Variants in CFAP251 observed in about 807,000 individuals in gnomAD.
CFAP251 encodes cilia- and flagella-associated protein 251.
In CFAP251, 93 loss-of-function variants were observed where a neutral mutation model predicts 126.7. The observed-to-expected ratio is 0.73, with a 90% confidence interval of 0.62 to 0.87. The LOEUF (loss-of-function observed/expected upper bound fraction) is 0.87. Ranked by LOEUF, CFAP251 falls within the 40% of genes least tolerant of loss-of-function variation. CFAP251 has a pLI of 0.00. For missense variants in CFAP251, 1,287 were observed against 1,389.2 expected, an observed-to-expected ratio of 0.93 and a Z score of 1.17; for synonymous variants, 503 against 506.9, an observed-to-expected ratio of 0.99 and a Z score of 0.10.
chr12:121,943,883 A>G (rs1292832854), intron 7 of CFAP251, among the ~76,000 whole-genome samples: 3 of 152,230 alleles, frequency 2.0e-5, no homozygotes, highest in African/African-American at 7.2e-5. Flanking sequence ...AGATATTAAT[A>G]TCTGTGGAAT....
intron 19 of CFAP251, among the ~76,000 whole-genome samples, chr12:121,990,023 A>G (rs1321931477): frequency 6.6e-6 from 1 of 152,136 alleles, no homozygotes; most frequent in Non-Finnish European, 1.5e-5. Flanking sequence ...GGCCACCCTC[A>G]TGTCTTGGGG....
At chr12:122,002,528 AGAGCCT>A (rs1883172293) in intron 21 of CFAP251, among the ~76,000 whole-genome samples, 1 of 152,058 alleles carries the variant, frequency 6.6e-6, no homozygotes, top group South Asian at 2.1e-4. Context: ...CAACAGAGTG[AGAGCCT>A]GTCTCAATTA....
At chr12:121,957,320 C>T in intron 11 of CFAP251, 52 bp downstream of exon 11, 1 of 1,533,140 alleles carries the variant, frequency 6.5e-7, no homozygotes, top group Non-Finnish European at 8.8e-7. Flanking sequence ...TGATCACTGT[C>T]TTCTTTAGTT....
At chr12:121,926,023 T>C (rs1880397515) in intron 3 of CFAP251, among the ~76,000 whole-genome samples, 1 of 3,088 alleles carries the variant, frequency 3.2e-4, no homozygotes, top group Non-Finnish European at 7.1e-4. Context: ...TTTTTGTAAT[T>C]TTTTTTTTTT....
rs1241407816 is a variant in CFAP251, at chr12:121,931,970, T to C, written c.888+84T>C. On this transcript the variant is annotated intron_variant, in intron 4 of 21. Transcript: ENST00000288912. ...TTTGTTTTGTATCTCAAGGGCTGAC[T>C]TCATTCTATCACTGTCGTATTTTCC... is the stretch of plus-strand genomic sequence containing the variant. 22 of 1,296,858 alleles carry C rather than the reference T, an allele frequency of 1.7e-5. No individual in the cohort carries two copies. In the East Asian group the frequency reaches 5.9e-4, roughly 35 times the overall value. 80.3% of individuals were successfully genotyped at this position (1,296,858 alleles called of 1,614,324 possible).
intron 5 of CFAP251, among the ~76,000 whole-genome samples, chr12:121,935,480 C>T (rs913908734): frequency 5.3e-5 from 8 of 152,212 alleles, no homozygotes; most frequent in African/African-American, 1.9e-4. Context: ...AGACCACATT[C>T]GATTTAGCTG....
chr12:121,992,127 C>G (rs1030082655), intron 19 of CFAP251: 36 of 822,862 alleles, frequency 4.4e-5, no homozygotes, highest in Non-Finnish European at 2.8e-5. Context: ...TGACAACCAC[C>G]AGTGCGTCTG....
intron 7 of CFAP251, among the ~76,000 whole-genome samples, chr12:121,947,268 T>G (rs894446348): frequency 6.6e-6 from 1 of 152,210 alleles, no homozygotes; most frequent in African/African-American, 2.4e-5. Context: ...TAAATCATTT[T>G]TTCAGGTCTA....
rs1565912476 is a variant in CFAP251, at chr12:121,957,208, C to T, written c.1670C>T (p.Pro557Leu). Residue 557 changes from proline (P) to leucine (L), a missense_variant, in exon 11 of 22, where the codon CCT (proline) becomes CTT (leucine). Pro to Leu is a moderately conservative substitution (Grantham distance 98). Coordinates refer to ENST00000288912, the MANE Select transcript of CFAP251 (RefSeq NM_144668.6). Reference sequence around the variant, plus strand: ...TTTTCAAAGACCCCAGCAACTCCTCCTACTGAAAAATCAAACTATCCTCCT... The same window carrying T: ...TTTTCAAAGACCCCAGCAACTCCTCTTACTGAAAAATCAAACTATCCTCCT... ...LSFSKTPATP[P>L]TEKSNYPPDC... 1.9e-6 allele frequency: 3 copies of T among 1,614,044 alleles called. No individual in the cohort carries two copies. Among genetic ancestry groups the T allele is most frequent in the Admixed American group, 1.7e-5 (1 of 59,982 alleles).
chr12:121,972,321 A>C (rs1882355123), intron 17 of CFAP251, among the ~76,000 whole-genome samples: 1 of 152,226 alleles, frequency 6.6e-6, no homozygotes, highest in Non-Finnish European at 1.5e-5. Flanking sequence ...ATGGACAATA[A>C]GGTTCAGGCT....
At position 121,960,654 on chromosome 12, in the gene CFAP251, G is replaced by A; in HGVS notation, c.2203G>A (p.Ala735Thr). 6.2e-7 allele frequency: 1 copy of A among 1,614,180 alleles called. No individual in the cohort carries two copies. Among genetic ancestry groups the A allele is most frequent in the Non-Finnish European group, 8.5e-7 (1 of 1,180,006 alleles). The change falls in exon 14 of 22, where the codon GCA becomes ACA. Residue 735 changes from alanine to threonine, a missense_variant. Ala to Thr is a moderately conservative substitution (Grantham distance 58). Transcript: ENST00000288912. ...TGGACAGAGGGTCTGGGAGTACTTA[G>A]CAAGACTTCGCTCTCATCGCAAAAG... ...RNGQRVWEYL[A>T]RLRSHRKSIR...
At chr12:121,980,355 C>T (rs1207461640) in intron 19 of CFAP251, among the ~76,000 whole-genome samples, 1 of 151,966 alleles carries the variant, frequency 6.6e-6, no homozygotes, top group Admixed American at 6.6e-5. Context: ...GCGTGGCTTC[C>T]ACGGAATTCT....
At position 121,934,306 on chromosome 12, in the gene CFAP251, A is replaced by G. The variant is rs1880807045; in HGVS notation, c.948A>G (p.Thr316=). 1.9e-6 allele frequency: 3 copies of G among 1,614,102 alleles called. No individual in the cohort carries two copies. Among genetic ancestry groups the G allele is most frequent in the Non-Finnish European group, 2.5e-6 (3 of 1,180,010 alleles). The part of the protein sequence containing the change: ...CVSEDRRWIA[T]ADKGPDCLVI... ...GTGAAGACAGGCGGTGGATCGCCAC[A>G]GCAGACAAAGGGCCAGACTGCCTGG... Residue 316 remains threonine, a synonymous_variant, in exon 5 of 22, where the codon ACA becomes ACG. Coordinates refer to ENST00000288912, the MANE Select transcript of CFAP251 (RefSeq NM_144668.6).
chr12:121,939,118 C>T (rs1881004748), intron 5 of CFAP251, among the ~76,000 whole-genome samples: 1 of 152,098 alleles, frequency 6.6e-6, no homozygotes, highest in Non-Finnish European at 1.5e-5. Context: ...TTGTTTTGAA[C>T]ACACGTATAT....
chr12:122,000,781 A>G (rs576984453), intron 20 of CFAP251, among the ~76,000 whole-genome samples: 1 of 152,134 alleles, frequency 6.6e-6, no homozygotes, highest in African/African-American at 2.4e-5. Flanking sequence ...TCCCCGCAGC[A>G]TGCTGTCCTA....
chr12:121,967,796 T>G (rs531899074), intron 16 of CFAP251, among the ~76,000 whole-genome samples: 1 of 152,348 alleles, frequency 6.6e-6, no homozygotes, highest in Non-Finnish European at 1.5e-5. Flanking sequence ...TTCCCTTCTG[T>G]GTACCTGTTA....
At position 121,919,146 on chromosome 12, in the gene CFAP251, T is replaced by A. The variant is rs566728822; in HGVS notation, c.-21+451T>A. Among the ~76,000 whole-genome samples the A allele has an allele frequency of 2.7e-3, 356 of 131,984 alleles. 1 individual carries two copies. The highest frequency in any genetic ancestry group is 7.4e-3 in the African/African-American group (286 of 38,504). 86.6% of individuals were successfully genotyped at this position (131,984 alleles called of 152,430 possible). On this transcript the variant is annotated intron_variant, in intron 1 of 21. Transcript: ENST00000288912. ...TTTATTTATTATTATTATTATTATT[T>A]TTTTTTTACCAGAGATGAATTTGAG...
At chr12:121,981,426 C>T (rs1435643873) in intron 19 of CFAP251, among the ~76,000 whole-genome samples, 1 of 152,122 alleles carries the variant, frequency 6.6e-6, no homozygotes, top group Non-Finnish European at 1.5e-5. Context: ...GCCGTGATCA[C>T]GCCACTGCAC....
At chr12:121,944,596 C>T (rs1881245500) in intron 7 of CFAP251, among the ~76,000 whole-genome samples, 1 of 152,026 alleles carries the variant, frequency 6.6e-6, no homozygotes. Flanking sequence ...AAGTCTTCAC[C>T]TCCGGTTAAA....
Sources: allele counts gnomAD v4.1 joint callset (sites outside exome capture counted in the v4.1 genomes callset), GRCh38; gene constraint gnomAD v4.1.1; transcripts MANE v1.5; gene names NCBI Gene and HGNC (gene_info 2026-07-23, HGNC 2026-07-21).